The following EYS variants were observed in gnomAD, a reference collection of about 807,000 sequenced individuals.
EYS encodes protein eyes shut homolog.
Under a neutral mutation model 282.1 loss-of-function variants are expected in EYS, and 250 were observed. The ratio of observed to expected loss-of-function variants is 0.89; its 90% confidence interval spans 0.80 to 0.98. The LOEUF is 0.98. Ranked by LOEUF, EYS falls within the 50% of genes least tolerant of loss-of-function variation. The pLI, the probability that EYS is intolerant of heterozygous loss-of-function variation, is 0.00. For synonymous variants in EYS, 1,355 were observed against 1,282.9 expected (o/e 1.06, Z -1.20); for missense variants, 4,016 against 3,709.0 (o/e 1.08, Z -2.15).
intron 12 of EYS, among the ~76,000 whole-genome samples, chr6:65,200,924 A>G (rs1765884442): frequency 6.6e-6 from 1 of 152,154 alleles, no homozygotes; most frequent in African/African-American, 2.4e-5. Flanking sequence ...ATGAGAATAA[A>G]AATGTATTCT....
intron 36 of EYS, among the ~76,000 whole-genome samples, chr6:63,840,364 C>T (rs956280671): frequency 6.6e-6 from 1 of 151,728 alleles, no homozygotes; most frequent in East Asian, 1.9e-4. Flanking sequence ...ACGCCCAGCC[C>T]CATTTCTTAA....
rs111540521 is a variant in EYS at position 64,436,392 on chromosome 6, C to A, written c.5836-127G>T. On this transcript the variant is annotated intron_variant, in intron 27 of 42. Coordinates refer to ENST00000503581, the MANE Select transcript of EYS (RefSeq NM_001142800.2). Reference sequence around the variant, plus strand: ...CTTTGGAGAGACATGAAGTTTGAAACTTAAAGAGAAGTGATAACTGAAGGT... The same window carrying A: ...CTTTGGAGAGACATGAAGTTTGAAAATTAAAGAGAAGTGATAACTGAAGGT... 2.9e-3 allele frequency: 1,706 copies of A among 585,408 alleles called. 23 individuals carry two copies. The highest frequency in any genetic ancestry group is 0.028 in the African/African-American group (1,513 of 53,508). 36.3% of individuals were successfully genotyped at this position (585,408 alleles called of 1,614,324 possible). A position where few individuals can be genotyped will look rare whatever the true frequency, so the allele number is the denominator to read the frequency against.
chr6:65,504,529 G>A (rs1766581083), intron 2 of EYS, among the ~76,000 whole-genome samples: 1 of 151,548 alleles, frequency 6.6e-6, no homozygotes, highest in Admixed American at 6.6e-5. Context: ...CATAACTGTA[G>A]GATTTTACAG....
At chr6:64,023,481 T>C (rs142211596) in intron 33 of EYS, among the ~76,000 whole-genome samples, 186 of 152,384 alleles carry the variant, frequency 1.2e-3, no homozygotes, top group African/African-American at 3.4e-3. Context: ...TGTACACTTA[T>C]ATTTTACACT....
chr6:64,022,658 C>A (rs117296558), intron 33 of EYS, among the ~76,000 whole-genome samples: 2,291 of 152,246 alleles, frequency 0.015, 50 homozygotes, highest in East Asian at 0.07. Flanking sequence ...TCTCTGCAAG[C>A]GTGGCTGCTG....
chr6:65,540,113 A>G (rs191047737), intron 2 of EYS, among the ~76,000 whole-genome samples: 14 of 152,318 alleles, frequency 9.2e-5, no homozygotes, highest in Non-Finnish European at 1.9e-4. Flanking sequence ...TTTTAACAGA[A>G]TCGTAAATCC....
intron 26 of EYS, among the ~76,000 whole-genome samples, chr6:64,506,699 TC>T (rs1562031207): frequency 6.6e-6 from 1 of 151,954 alleles, no homozygotes; most frequent in Non-Finnish European, 1.5e-5. Context: ...TATCACGAGG[TC>T]AGGAGATGGA....
At chr6:65,366,785 A>G in intron 8 of EYS, among the ~76,000 whole-genome samples, 1 of 151,614 alleles carries the variant, frequency 6.6e-6, no homozygotes, top group East Asian at 1.9e-4. Flanking sequence ...ATTCTTCTGC[A>G]GGTTCTGAGG....
chr6:64,109,022 A>G (rs1321799816), intron 31 of EYS, among the ~76,000 whole-genome samples: 1 of 152,112 alleles, frequency 6.6e-6, no homozygotes, highest in Non-Finnish European at 1.5e-5. Flanking sequence ...TCTCAAGAAC[A>G]TGTTGCTAGG....
At chr6:64,249,263 T>C (rs376675003) in intron 30 of EYS, among the ~76,000 whole-genome samples, 3 of 152,104 alleles carry the variant, frequency 2.0e-5, no homozygotes, top group Admixed American at 6.5e-5. Context: ...GTTATCTTAT[T>C]TGAAATAAGT....
intron 2 of EYS, among the ~76,000 whole-genome samples, chr6:65,556,098 C>T (rs1470559911): frequency 6.6e-6 from 1 of 152,040 alleles, no homozygotes; most frequent in African/African-American, 2.4e-5. Context: ...TTCTTTCAAT[C>T]TTTAACTATT....
At chr6:64,617,791 G>A (rs1767323145) in intron 23 of EYS, among the ~76,000 whole-genome samples, 1 of 152,086 alleles carries the variant, frequency 6.6e-6, no homozygotes, top group South Asian at 2.1e-4. Flanking sequence ...ATGAAAGTGA[G>A]TACATGTATG....
chr6:64,609,180 G>A (rs986734113), intron 24 of EYS, among the ~76,000 whole-genome samples: 1 of 152,064 alleles, frequency 6.6e-6, no homozygotes, highest in Admixed American at 6.6e-5. Context: ...TGTATTTTCT[G>A]CTCACTTTTT....
chr6:64,738,499 G>A (rs1397102970), intron 22 of EYS, among the ~76,000 whole-genome samples: 1 of 152,118 alleles, frequency 6.6e-6, no homozygotes, highest in East Asian at 1.9e-4. Context: ...CTCAGTCTCA[G>A]GTAGCTCTTT....
chr6:64,901,503 C>T (rs998912021), intron 18 of EYS, among the ~76,000 whole-genome samples: 1 of 151,594 alleles, frequency 6.6e-6, no homozygotes, highest in South Asian at 2.1e-4. Flanking sequence ...GCTAATAATA[C>T]AAAAATTGTA....
At chr6:64,371,137 T>C (rs959778305) in intron 29 of EYS, among the ~76,000 whole-genome samples, 1 of 152,068 alleles carries the variant, frequency 6.6e-6, no homozygotes, top group African/African-American at 2.4e-5. Context: ...TCCTAACTTT[T>C]TGATGTAAGT....
At chr6:64,244,950 T>C (rs1766961328) in intron 30 of EYS, among the ~76,000 whole-genome samples, 2 of 151,698 alleles carry the variant, frequency 1.3e-5, no homozygotes, top group Non-Finnish European at 2.9e-5. Flanking sequence ...TTACATTAGG[T>C]ATATCTCCTA....
chr6:64,693,141 A>G (rs1421614530), intron 22 of EYS, among the ~76,000 whole-genome samples: 1 of 151,626 alleles, frequency 6.6e-6, no homozygotes, highest in Non-Finnish European at 1.5e-5. Flanking sequence ...TAGAAACTAC[A>G]GAATAATGCA....
intron 22 of EYS, among the ~76,000 whole-genome samples, chr6:64,810,167 C>T (rs1326997538): frequency 6.6e-6 from 1 of 151,832 alleles, no homozygotes; most frequent in Non-Finnish European, 1.5e-5. Flanking sequence ...AAATAAATAA[C>T]AGAAACGTAT....
Sources: gnomAD v4.1 joint callset for allele counts (sites outside exome capture counted in the v4.1 genomes callset) on GRCh38, gnomAD v4.1.1 for gene constraint, MANE v1.5 for transcripts, NCBI Gene and HGNC (gene_info 2026-07-23, HGNC 2026-07-21) for gene names.